P3H3: variants seen among roughly 807,000 people sequenced by gnomAD.
P3H3 encodes gene rich cluster, B.
Under a neutral mutation model 78.1 loss-of-function variants are expected in P3H3, and 64 were observed. The ratio of observed to expected loss-of-function variants is 0.82; its 90% CI spans 0.67 to 1.01. P3H3 has a LOEUF of 1.01. Ranked by LOEUF, P3H3 falls within the 50% of genes least tolerant of loss-of-function variation. P3H3 has a pLI of 0.00. For synonymous variants in P3H3, 425 were observed against 416.7 expected (o/e 1.02, Z -0.24); for missense variants, 975 against 982.2 (o/e 0.99, Z 0.10).
chr12:6,829,061 C>T lies in P3H3; in HGVS notation c.498+123C>T, dbSNP rs1943419196. ...GCCCCGCACGGGGCTGGGGAGCGTA[C>T]CGCGGGCCTCTGCGTAGGAGCTGGC... On this transcript the variant is annotated intron_variant, in intron 1 of 14. Coordinates refer to ENST00000290510, the MANE Select transcript of P3H3 (RefSeq NM_014262.5). The surrounding 1 kb of genome is among the most constrained non-coding windows in gnomAD (Gnocchi z 5.1). 5.0e-6 allele frequency: 3 copies of T among 594,234 alleles called. No homozygotes were observed. The highest frequency in any genetic ancestry group is 3.8e-5 in the African/African-American group (2 of 52,308). 36.8% of individuals were successfully genotyped at this position (594,234 alleles called of 1,614,324 possible).
intron 13 of P3H3, among the ~76,000 whole-genome samples, 171 bp downstream of exon 13, chr12:6,838,204 T>A (rs1343548783): frequency 6.6e-6 from 1 of 152,232 alleles, no homozygotes; most frequent in African/African-American, 2.4e-5. Context: ...GGTCTCTAAG[T>A]GGCCGAATCA....
intron 10 of P3H3, 126 bp from the exon 11 acceptor site, chr12:6,837,297 A>G: frequency 7.4e-7 from 1 of 1,350,732 alleles, no homozygotes; most frequent in Non-Finnish European, 1.0e-6. Flanking sequence ...GGGCTGATGG[A>G]CAGAGCTGGA....
At position 6,829,035 on chromosome 12, in the gene P3H3, G is replaced by C; in HGVS notation, c.498+97G>C. On this transcript the variant is annotated intron_variant, in intron 1 of 14. Coordinates refer to ENST00000290510, the MANE Select transcript of P3H3 (RefSeq NM_014262.5). The surrounding 1 kb of genome is among the most constrained non-coding windows in gnomAD (Gnocchi z 5.1). ...GGAGTAGGCGGAATGCTGTTGCCCGGGCCCCGCACGGGGCTGGGGAGCGTA... is the reference window on the plus strand; with the variant it reads ...GGAGTAGGCGGAATGCTGTTGCCCGCGCCCCGCACGGGGCTGGGGAGCGTA... 1 of 743,810 alleles carries C rather than the reference G, an allele frequency of 1.3e-6. No homozygotes were observed. 46.1% of individuals were successfully genotyped at this position (743,810 alleles called of 1,614,324 possible). A position where few individuals can be genotyped will look rare whatever the true frequency, so the allele number is the denominator to read the frequency against.
At chr12:6,833,555 C>A in intron 6 of P3H3, 37 bp from the exon 7 acceptor site, 2 of 1,603,438 alleles carry the variant, frequency 1.2e-6, no homozygotes, top group Non-Finnish European at 1.7e-6. Context: ...CAGGGGCTGA[C>A]CTTGGTGGGT....
At chr12:6,835,608 T>A (rs895587389) in intron 9 of P3H3, among the ~76,000 whole-genome samples, 5 of 151,424 alleles carry the variant, frequency 3.3e-5, no homozygotes, top group South Asian at 2.1e-4. Flanking sequence ...TTTTAAATAA[T>A]TAATTAATTA....
rs1047771 is a variant in P3H3, at chr12:6,831,857, G to A, written c.1155G>A (p.Gly385=). The change falls in exon 6 of 15, where the codon GGG becomes GGA. Residue 385 remains glycine, a synonymous_variant. Coordinates refer to ENST00000290510, the MANE Select transcript of P3H3 (RefSeq NM_014262.5). This position sits in a 1 kb window ranked among gnomAD's most constrained non-coding sequence, Gnocchi z 4.6. ...AGCGCTTCATCCTCCGATCCCTGGG[G>A]GAGAAGAGGCAGCTCTACTATGCCA... The part of the protein sequence containing the change: ...DIQRFILRSL[G]EKRQLYYAME... The A allele has an allele frequency of 0.28, 449,781 of 1,603,748 alleles. 64,236 individuals carry two copies. The highest frequency in any genetic ancestry group is 0.33 in the South Asian group (29,850 of 89,796).
In P3H3 at chr12:6,828,834, A is replaced by G; in HGVS notation, c.394A>G (p.Arg132Gly). ...CTGCCTGACCCAGTGCGCAGCACGG[A>G]GGCTGGGCCCCGGGGGCGCGGCGCG... Reference protein sequence around the residue: ...ADCLTQCAARRLGPGGAARLR... With the variant: ...ADCLTQCAARGLGPGGAARLR... Residue 132 changes from arginine (R) to glycine (G), a missense_variant, in exon 1 of 15, where the codon AGG (arginine) becomes GGG (glycine). Arg to Gly is a moderately radical substitution (Grantham distance 125). Transcript: ENST00000290510. 8.0e-7 allele frequency: 1 copy of G among 1,242,366 alleles called. No individual in the cohort carries two copies. The highest frequency in any genetic ancestry group is 1.0e-6 in the Non-Finnish European group (1 of 993,008). The allele number at this position is 1,242,366 out of a possible 1,614,324, so 77.0% of individuals were successfully genotyped here.
intron 9 of P3H3, among the ~76,000 whole-genome samples, chr12:6,835,601 T>A (rs192912780): frequency 0.012 from 1,828 of 151,998 alleles, 21 homozygotes; most frequent in Non-Finnish European, 0.018. Context: ...TAAATTTTTT[T>A]AAATAATTAA....
Position 6,839,826 on chromosome 12 carries a change from T to G in P3H3, c.*365T>G. 4.9e-6 allele frequency: 1 copy of G among 205,960 alleles called. No homozygotes were observed. Among genetic ancestry groups the G allele is most frequent in the Non-Finnish European group, 9.9e-6 (1 of 100,578 alleles). The allele number at this position is 205,960 out of a possible 1,614,324, so 12.8% of individuals were successfully genotyped here. On this transcript the variant is annotated 3_prime_UTR_variant, in exon 15 of 15. Coordinates refer to ENST00000290510, the MANE Select transcript of P3H3 (RefSeq NM_014262.5). ...TGCTCCTCTCTCCCAGTCTGTGCAA[T>G]AAAGGTCGTGAAGATCTCTCAGCCA...
Position 6,829,948 on chromosome 12 carries a change from G to A in P3H3, c.588G>A (p.Lys196=). 2.5e-6 allele frequency: 4 copies of A among 1,614,042 alleles called. No individual in the cohort carries two copies. The highest frequency in any genetic ancestry group is 2.5e-6 in the Non-Finnish European group (3 of 1,179,896). Residue 196 remains lysine, a synonymous_variant, in exon 2 of 15, where the codon AAG becomes AAA. Coordinates refer to ENST00000290510, the MANE Select transcript of P3H3 (RefSeq NM_014262.5). This position sits in a 1 kb window ranked among gnomAD's most constrained non-coding sequence, Gnocchi z 5.1. ...MHLQMREDMA[K]YRRMSGVRPQ... ...TGCAGATGCGGGAGGACATGGCTAA[G>A]TACAGACGAATGTCGGGAGTTCGGC...
At chr12:6,832,839 T>A (rs781973247) in intron 6 of P3H3, among the ~76,000 whole-genome samples, 2 of 66,592 alleles carry the variant, frequency 3.0e-5, no homozygotes, top group East Asian at 1.0e-3. Context: ...TGACTTCAGG[T>A]GATCCACCCG....
chr12:6,829,823 C>T lies in P3H3; in HGVS notation c.499-36C>T. On this transcript the variant is annotated intron_variant, in intron 1 of 14. Coordinates refer to ENST00000290510, the MANE Select transcript of P3H3 (RefSeq NM_014262.5). This position sits in a 1 kb window ranked among gnomAD's most constrained non-coding sequence, Gnocchi z 5.1. ...GGGGGCAGAGGTCTGCCCCCCGTCC[C>T]AGGGCTCTGATGCCCTCCTCCCTTC... 6.2e-7 allele frequency: 1 copy of T among 1,612,974 alleles called. No individual in the cohort carries two copies.
rs371402961 is a variant in P3H3, at chr12:6,837,563, C to G, written c.1701C>G (p.Ser567Arg). The change falls in exon 11 of 15, where the codon AGC becomes AGG. Residue 567 changes from serine to arginine, a missense_variant. Ser to Arg is a moderately radical substitution (Grantham distance 110, BLOSUM62 -1). Coordinates refer to ENST00000290510, the MANE Select transcript of P3H3 (RefSeq NM_014262.5). The part of the protein sequence containing the change: ...HLSFTHLVCR[S>R]AIEGEQEQRM... The stretch of plus-strand genomic sequence containing the variant: ...CCTTCACCCACCTGGTGTGCCGCAG[C>G]GCCATAGAAGGTACGACAGGGACCC... The G allele has an allele frequency of 1.2e-6, 2 of 1,612,264 alleles. No homozygotes were observed. Among genetic ancestry groups the G allele is most frequent in the African/African-American group, 1.3e-5 (1 of 74,952 alleles).
In P3H3 at chr12:6,828,424, C is replaced by A; in HGVS notation, c.-17C>A. On this transcript the variant is annotated 5_prime_UTR_variant, in exon 1 of 15. Coordinates refer to ENST00000290510, the MANE Select transcript of P3H3 (RefSeq NM_014262.5). Reference sequence around the variant, plus strand: ...CGGCTCCCGCATTTCCCCTCGGCTGCCGGCGGCTCCGACATCATGCTCCGG... The same window carrying A: ...CGGCTCCCGCATTTCCCCTCGGCTGACGGCGGCTCCGACATCATGCTCCGG... 1 of 588,450 alleles carries A rather than the reference C, an allele frequency of 1.7e-6. No individual in the cohort carries two copies. 36.5% of individuals were successfully genotyped at this position (588,450 alleles called of 1,614,324 possible).
At chr12:6,835,539 G>T (rs1280435485) in intron 9 of P3H3, among the ~76,000 whole-genome samples, 1 of 151,948 alleles carries the variant, frequency 6.6e-6, no homozygotes, top group African/African-American at 2.4e-5. Flanking sequence ...AGCCGAGATC[G>T]CACCATTGCA....
At position 6,839,405 on chromosome 12, in the gene P3H3, C is replaced by T; in HGVS notation, c.2155C>T (p.His719Tyr). 4 of 1,552,254 alleles carry T rather than the reference C, an allele frequency of 2.6e-6. No homozygotes were observed. Among genetic ancestry groups the T allele is most frequent in the Non-Finnish European group, 3.5e-6 (4 of 1,147,290 alleles). The change falls in exon 15 of 15, where the codon CAC becomes TAC. Residue 719 changes from histidine to tyrosine, a missense_variant. Physicochemically the swap from His to Tyr is moderately conservative, Grantham distance 83. Transcript: ENST00000290510. ...TTCCCCAGAGCCCCCTAGCCGCAGG[C>T]ACCAGAGGGTCCAAGACAAGACTGG... is the stretch of plus-strand genomic sequence containing the variant. ...DPSPEPPSRR[H>Y]QRVQDKTGRA...
intron 9 of P3H3, among the ~76,000 whole-genome samples, chr12:6,835,637 A>G (rs1354060792): frequency 6.6e-6 from 1 of 152,120 alleles, no homozygotes; most frequent in Non-Finnish European, 1.5e-5. Flanking sequence ...ATTAAAAAAG[A>G]ACATAGAATC....
In P3H3 at chr12:6,839,812, C is replaced by G; in HGVS notation, c.*351C>G. The G allele has an allele frequency of 4.0e-6, 1 of 249,700 alleles. No individual in the cohort carries two copies. 15.5% of individuals were successfully genotyped at this position (249,700 alleles called of 1,614,324 possible). On this transcript the variant is annotated 3_prime_UTR_variant, in exon 15 of 15. Coordinates refer to ENST00000290510, the MANE Select transcript of P3H3 (RefSeq NM_014262.5). The stretch of plus-strand genomic sequence containing the variant: ...GGGAGGTATAACCCTGCTCCTCTCT[C>G]CCAGTCTGTGCAATAAAGGTCGTGA...
chr12:6,839,078 A>C lies in P3H3; in HGVS notation c.1984A>C (p.Thr662Pro), dbSNP rs1200917128. The C allele has an allele frequency of 3.1e-6, 5 of 1,611,344 alleles. No homozygotes were observed. The African/African-American group carries it at 5.3e-5, about 17-fold the overall frequency. Residue 662 changes from threonine to proline, a missense_variant, in exon 14 of 15, where the codon ACT becomes CCT. By Grantham distance (38) the Thr-to-Pro change is conservative. Transcript: ENST00000290510. ...VENPHGVWAV[T>P]RGRRCALALW... ...GAATCCCCATGGGGTGTGGGCCGTGACTCGGGGACGGCGCTGTGCCCTGGC... is the reference window on the plus strand; with the variant it reads ...GAATCCCCATGGGGTGTGGGCCGTGCCTCGGGGACGGCGCTGTGCCCTGGC...
Sources: allele counts gnomAD v4.1 joint callset (sites outside exome capture counted in the v4.1 genomes callset), GRCh38; gene constraint gnomAD v4.1.1; non-coding constraint Gnocchi (gnomAD v3.1); transcripts MANE v1.5; gene names NCBI Gene and HGNC (gene_info 2026-07-23, HGNC 2026-07-21).